The following DENND1A variants were observed in gnomAD, a reference collection of about 807,000 sequenced individuals.
DENND1A encodes DENN domain containing 1A, also known as DENN domain-containing protein 1A.
A neutral mutation model predicts 113.7 loss-of-function variants in DENND1A; 51 were observed. That is an observed-to-expected ratio of 0.45 (90% CI 0.36 to 0.57). DENND1A has a LOEUF of 0.57. DENND1A is among the 20% of genes least tolerant of loss of function. The pLI is 0.00. For missense variants in DENND1A, 1,258 were observed against 1,395.9 expected, an observed-to-expected ratio of 0.90 and a Z score of 1.57; for synonymous variants, 565 against 570.8, an observed-to-expected ratio of 0.99 and a Z score of 0.14.
intron 11 of DENND1A, among the ~76,000 whole-genome samples, chr9:123,588,968 A>C (rs2059332050): frequency 6.6e-6 from 1 of 151,986 alleles, no homozygotes; most frequent in Admixed American, 6.6e-5. Context: ...GGGTTTCACC[A>C]TGTTGGCCAA....
chr9:123,624,165 T>TG (rs1302828752), intron 10 of DENND1A, among the ~76,000 whole-genome samples: 1 of 152,226 alleles, frequency 6.6e-6, no homozygotes, highest in Non-Finnish European at 1.5e-5. Context: ...GTGTATCCCC[T>TG]GCATGGGGAC....
At chr9:123,578,788 T>A (rs572323547) in intron 12 of DENND1A, among the ~76,000 whole-genome samples, 1 of 152,176 alleles carries the variant, frequency 6.6e-6, no homozygotes, top group South Asian at 2.1e-4. Flanking sequence ...TGTGGGGACA[T>A]AGAGAAAGAT....
intron 16 of DENND1A, among the ~76,000 whole-genome samples, chr9:123,453,149 A>T (rs573300840): frequency 1.7e-4 from 26 of 152,284 alleles, no homozygotes; most frequent in African/African-American, 6.0e-4. Context: ...GGTTCTGAAG[A>T]CACCAGGCCA....
intron 13 of DENND1A, among the ~76,000 whole-genome samples, chr9:123,465,210 A>T (rs1267144232): frequency 6.6e-6 from 1 of 151,508 alleles, no homozygotes; most frequent in South Asian, 2.1e-4. Flanking sequence ...CATTAAAAAG[A>T]AAAGCTCCTG....
chr9:123,599,387 T>C (rs1361681388), intron 11 of DENND1A, among the ~76,000 whole-genome samples: 1 of 152,220 alleles, frequency 6.6e-6, no homozygotes, highest in Non-Finnish European at 1.5e-5. Context: ...AAAAAAGGCA[T>C]GGTTACTACA....
chr9:123,776,859 C>T (rs571485011), intron 3 of DENND1A, among the ~76,000 whole-genome samples: 3 of 152,234 alleles, frequency 2.0e-5, no homozygotes, highest in South Asian at 2.1e-4. Context: ...AGTAGGAAAA[C>T]GCAAAGGACA....
intron 1 of DENND1A, among the ~76,000 whole-genome samples, chr9:123,899,950 G>C (rs1007500612): frequency 6.6e-6 from 1 of 152,242 alleles, no homozygotes; most frequent in Non-Finnish European, 1.5e-5. Flanking sequence ...AATGATCACT[G>C]TAAGAATAAC....
At chr9:123,801,794 C>T (rs1403171142) in intron 2 of DENND1A, among the ~76,000 whole-genome samples, 1 of 152,230 alleles carries the variant, frequency 6.6e-6, no homozygotes, top group Non-Finnish European at 1.5e-5. Flanking sequence ...AATTTCATAT[C>T]TGTGTCTTAA....
chr9:123,440,468 G>C lies in DENND1A; in HGVS notation c.1380C>G (p.Ala460=). 1 of 1,570,706 alleles carries C rather than the reference G, an allele frequency of 6.4e-7. No homozygotes were observed. The highest frequency in any genetic ancestry group is 8.6e-7 in the Non-Finnish European group (1 of 1,166,560). ...TTGGCAGCTGCTCTTCTGGGGTGGG[G>C]GCGCAGCCATTCTCGGCAATGTCCT... is the stretch of plus-strand genomic sequence containing the variant. The part of the protein sequence containing the change: ...KQKDIAENGC[A]PTPEEQLPKT... Residue 460 remains alanine, a synonymous_variant, in exon 19 of 24, where the codon GCC becomes GCG. Coordinates refer to ENST00000394215, the MANE Select transcript of DENND1A (RefSeq NM_001352964.2).
chr9:123,457,401 C>G lies in DENND1A; in HGVS notation c.1133G>C (p.Gly378Ala). Residue 378 changes from glycine (G) to alanine (A), a missense_variant, in exon 15 of 24, where the codon GGC becomes GCC. This residue lies in a region of DENND1A where 1,159 missense variants were observed against 1,231.7 expected (regional missense o/e 0.94). Transcript: ENST00000394215. ...TTCAAAAACATCACTGAAACCTTCG[C>G]CGGAATTGAGAAGATCTAATCGACC... is the stretch of plus-strand genomic sequence containing the variant. ...IDGRLDLLNS[G>A]EGFSDVFEEE... is the part of the protein sequence containing the mutation. 6.2e-7 allele frequency: 1 copy of G among 1,614,050 alleles called. No homozygotes were observed. The highest frequency in any genetic ancestry group is 8.5e-7 in the Non-Finnish European group (1 of 1,179,980).
chr9:123,768,623 A>C (rs1456138606), intron 4 of DENND1A, among the ~76,000 whole-genome samples: 1 of 152,190 alleles, frequency 6.6e-6, no homozygotes, highest in Non-Finnish European at 1.5e-5. Context: ...TAATGTATGT[A>C]CAGTTTCATA....
At chr9:123,879,051 C>G (rs773187974) in intron 1 of DENND1A, 30 bp from the exon 2 acceptor site, 4 of 1,610,042 alleles carry the variant, frequency 2.5e-6, no homozygotes, top group Admixed American at 1.7e-5. Context: ...TGATTACTGA[C>G]AAAGATTGAG....
intron 10 of DENND1A, among the ~76,000 whole-genome samples, chr9:123,615,266 T>C (rs950349775): frequency 6.6e-5 from 10 of 152,174 alleles, no homozygotes; most frequent in Non-Finnish European, 1.2e-4. Context: ...ATTTCACAGA[T>C]GGAAAAACTA....
At chr9:123,785,803 T>C (rs1832064397) in intron 3 of DENND1A, among the ~76,000 whole-genome samples, 1 of 152,188 alleles carries the variant, frequency 6.6e-6, no homozygotes, top group Non-Finnish European at 1.5e-5. Flanking sequence ...TACCTGCAGA[T>C]GAAAAAATTA....
At chr9:123,432,980 C>T (rs183712951) in intron 19 of DENND1A, among the ~76,000 whole-genome samples, 14 of 152,276 alleles carry the variant, frequency 9.2e-5, no homozygotes, top group South Asian at 8.3e-4. Context: ...AGGGACTGCG[C>T]GCTCTGAGAG....
intron 10 of DENND1A, among the ~76,000 whole-genome samples, chr9:123,612,725 T>G (rs545614451): frequency 6.6e-6 from 1 of 152,324 alleles, no homozygotes; most frequent in Admixed American, 6.5e-5. Flanking sequence ...ACCTTCATGT[T>G]GCATGAATTC....
chr9:123,865,996 G>T (rs1845755495), intron 2 of DENND1A, among the ~76,000 whole-genome samples: 1 of 152,132 alleles, frequency 6.6e-6, no homozygotes, highest in Non-Finnish European at 1.5e-5. Context: ...TTCCTGGACG[G>T]CCATGATGAA....
Position 123,769,560 on chromosome 9 carries a change from C to T in DENND1A, c.136G>A (p.Val46Ile), listed in dbSNP as rs1472208474. 1 of 1,609,036 alleles carries T rather than the reference C, an allele frequency of 6.2e-7. No homozygotes were observed. The highest frequency in any genetic ancestry group is 1.7e-4 in the Middle Eastern group (1 of 6,042). The change falls in exon 4 of 24, where the codon GTT (valine) becomes ATT (isoleucine). Residue 46 changes from valine (V) to isoleucine (I), a missense_variant. Coordinates refer to ENST00000394215, the MANE Select transcript of DENND1A (RefSeq NM_001352964.2). ...QFPEDYSDQE[V>I]LQTLTKFCFP... Reference sequence around the variant, plus strand: ...CAAAACTTGGTCAAAGTCTGTAGAACTTCCTGTGGAGAGAAAGAGAGATAA... The same window carrying T: ...CAAAACTTGGTCAAAGTCTGTAGAATTTCCTGTGGAGAGAAAGAGAGATAA...
At chr9:123,564,664 A>G (rs2057948019) in intron 12 of DENND1A, among the ~76,000 whole-genome samples, 1 of 152,240 alleles carries the variant, frequency 6.6e-6, no homozygotes, top group African/African-American at 2.4e-5. Flanking sequence ...ATGCCATCCA[A>G]TATGCTAGCT....
Sources: allele counts gnomAD v4.1 joint callset (sites outside exome capture counted in the v4.1 genomes callset), GRCh38; gene constraint gnomAD v4.1.1; regional missense constraint gnomAD v4.1.1; transcripts MANE v1.5; gene names NCBI Gene and HGNC (gene_info 2026-07-23, HGNC 2026-07-21).